The following CHD3 variants were observed in gnomAD, a reference collection of about 807,000 sequenced individuals.
CHD3 encodes ATP-dependent chromatin remodeler CHD3.
In CHD3, 52 loss-of-function variants were observed where a neutral mutation model predicts 248.9. The observed-to-expected ratio is 0.21, with a 90% CI of 0.17 to 0.26. The LOEUF is 0.26. CHD3 is among the 10% of genes least tolerant of loss of function. The probability of loss-of-function intolerance (pLI) is 1.00; values close to 1 mark genes in which losing one functional copy is unlikely to be tolerated. For synonymous variants in CHD3, 985 were observed against 985.2 expected (o/e 1.00, Z 0.00); for missense variants, 1,482 against 2,605.8 (o/e 0.57, Z 9.39).
At chr17:7,901,143 T>G (rs1467570243) in intron 19 of CHD3, 101 bp from the exon 20 acceptor site, 1 of 1,518,460 alleles carries the variant, frequency 6.6e-7, no homozygotes, top group Non-Finnish European at 8.9e-7. Flanking sequence ...ATTGGGAACA[T>G]GTGGAAGCTG....
At position 7,907,435 on chromosome 17, in the gene CHD3, T is replaced by A. The variant is rs1567870624; in HGVS notation, c.4871T>A (p.Val1624Glu). ...CCTCTAGAGGATGAGGTGCCAGGGG[T>A]GCCTGGAGAGATGGAGCCTGAACCT... Reference protein sequence around the residue: ...KIPLEDEVPGVPGEMEPEPGY... With the variant: ...KIPLEDEVPGEPGEMEPEPGY... Residue 1624 changes from valine to glutamate, a missense_variant, in exon 32 of 40, where the codon GTG becomes GAG. Coordinates refer to ENST00000330494, the MANE Select transcript of CHD3 (RefSeq NM_001005273.3). This position sits in a 1 kb window ranked among gnomAD's most constrained non-coding sequence, Gnocchi z 4.3. 6.2e-7 allele frequency: 1 copy of A among 1,610,836 alleles called. No individual in the cohort carries two copies. The highest frequency in any genetic ancestry group is 2.2e-5 in the East Asian group (1 of 44,830).
Position 7,888,923 on chromosome 17 carries a change from G to T in CHD3, c.-78G>T. On this transcript the variant is annotated 5_prime_UTR_variant, in exon 1 of 40. The change creates a premature stop within an existing upstream ORF in the 5' untranslated region. Coordinates refer to ENST00000330494, the MANE Select transcript of CHD3 (RefSeq NM_001005273.3). ...AGTTCCCAAAGGGAGCAGGGAGATG[G>T]GAATAGAATTGAAGGTAGGTTTTAG... is the stretch of plus-strand genomic sequence containing the variant. The T allele has an allele frequency of 6.2e-7, 1 of 1,602,270 alleles. No individual in the cohort carries two copies. The highest frequency in any genetic ancestry group is 8.5e-7 in the Non-Finnish European group (1 of 1,173,386).
rs376314605 is a variant in CHD3, at chr17:7,890,937, C to T, written c.385-3C>T. On this transcript the variant is annotated splice_region_variant and splice_polypyrimidine_tract_variant and intron_variant, in intron 3 of 39. Transcript: ENST00000330494. ...CTACTTCACCAAAGCCCCTCTCCCG[C>T]AGCAAGTGGAACAGAAGTCATCAGC... 4 of 1,614,016 alleles carry T rather than the reference C, an allele frequency of 2.5e-6. No individual in the cohort carries two copies. The highest frequency in any genetic ancestry group is 3.4e-6 in the Non-Finnish European group (4 of 1,179,994).
rs745707523 is a variant in CHD3 at position 7,906,575 on chromosome 17, C to T, written c.4381C>T (p.Arg1461Cys). ...TAGGGCCTATGTGTCTTTGTTCATG[C>T]GCCATCTGTGTGAGCCTGGGGCAGA... ...EFKAYVSLFMRHLCEPGADGS... is the reference protein window; with the variant it reads ...EFKAYVSLFMCHLCEPGADGS... Residue 1461 changes from arginine (R) to cysteine (C), a missense_variant, in exon 29 of 40, where the codon CGC (arginine) becomes TGC (cysteine). By Grantham distance (180) the Arg-to-Cys change is radical (BLOSUM62 -3). This residue lies in a region of CHD3 where 156 missense variants were observed against 420.3 expected (regional missense o/e 0.37). Coordinates refer to ENST00000330494, the MANE Select transcript of CHD3 (RefSeq NM_001005273.3). This position sits in a 1 kb window ranked among gnomAD's most constrained non-coding sequence, Gnocchi z 5.0. 1 of 1,613,964 alleles carries T rather than the reference C, an allele frequency of 6.2e-7. No homozygotes were observed. The highest frequency in any genetic ancestry group is 1.1e-5 in the South Asian group (1 of 91,082).
intron 4 of CHD3, 41 bp from the exon 5 acceptor site, chr17:7,893,245 C>A (rs1020996641): frequency 4.5e-6 from 7 of 1,547,212 alleles, no homozygotes; most frequent in Non-Finnish European, 6.1e-6. Context: ...GTTCCCAGAC[C>A]ATCTGTGAAG....
chr17:7,907,613 C>T lies in CHD3; in HGVS notation c.4937C>T (p.Thr1646Met), dbSNP rs146616544. 15 of 1,513,104 alleles carry T rather than the reference C, an allele frequency of 9.9e-6. No homozygotes were observed. Among genetic ancestry groups the T allele is most frequent in the East Asian group, 4.7e-5 (2 of 42,860 alleles). The allele number at this position is 1,513,104 out of a possible 1,614,324, so 93.7% of individuals were successfully genotyped here. A position where few individuals can be genotyped will look rare whatever the true frequency, so the allele number is the denominator to read the frequency against. ...CCCCCTCCCACAGCCACAGAGTCGACGCCAGGAGAAAGGGGGGAGGAGAAG... is the reference window on the plus strand; with the variant it reads ...CCCCCTCCCACAGCCACAGAGTCGATGCCAGGAGAAAGGGGGGAGGAGAAG... ...GDREKSATES[T>M]PGERGEEKPL... The change falls in exon 33 of 40, where the codon ACG becomes ATG. Residue 1646 changes from threonine to methionine, a missense_variant. Thr to Met is a moderately conservative substitution (Grantham distance 81). Around this residue, in one of 20 missense-constraint regions of CHD3, gnomAD observed 254 missense variants for 266.7 expected, o/e 0.95. Transcript: ENST00000330494. The surrounding 1 kb of genome is among the most constrained non-coding windows in gnomAD (Gnocchi z 4.3).
In CHD3 at chr17:7,897,270, C is replaced by G. The variant is rs781755922; in HGVS notation, c.1895C>G (p.Thr632Ser). 6.2e-7 allele frequency: 1 copy of G among 1,613,696 alleles called. No homozygotes were observed. Among genetic ancestry groups the G allele is most frequent in the African/African-American group, 1.3e-5 (1 of 74,886 alleles). ...YRFGIKPEWM[T>S]VHRIINHSVD... ...TTTGGCATCAAGCCAGAGTGGATGA[C>G]CGTCCACCGCATCATCAACCACAGG... The change falls in exon 11 of 40, where the codon ACC becomes AGC. Residue 632 changes from threonine (T) to serine (S), a missense_variant. By Grantham distance (58) the Thr-to-Ser change is moderately conservative. Around this residue, in one of 20 missense-constraint regions of CHD3, gnomAD observed 127 missense variants for 188.3 expected, o/e 0.67. Transcript: ENST00000330494. The surrounding 1 kb of genome is among the most constrained non-coding windows in gnomAD (Gnocchi z 4.8).
intron 20 of CHD3, among the ~76,000 whole-genome samples, chr17:7,901,730 C>T (rs545172901): frequency 6.6e-6 from 1 of 152,046 alleles, no homozygotes; most frequent in South Asian, 2.1e-4. Context: ...AGGATGGTCT[C>T]CATCACCTGA....
Position 7,904,176 on chromosome 17 carries a change from AAC to A in CHD3, c.3894+189_3894+190del, listed in dbSNP as rs1178591624. 7.6e-5 allele frequency: 49 copies of A among 647,232 alleles called. No individual in the cohort carries two copies. Among genetic ancestry groups the A allele is most frequent in the South Asian group, 4.1e-4 (21 of 50,756 alleles). The allele number at this position is 647,232 out of a possible 1,614,324, so 40.1% of individuals were successfully genotyped here. On this transcript the variant is annotated intron_variant, in intron 24 of 39. Coordinates refer to ENST00000330494, the MANE Select transcript of CHD3 (RefSeq NM_001005273.3). This position sits in a 1 kb window ranked among gnomAD's most constrained non-coding sequence, Gnocchi z 4.4. ...AACGTAGGCACAGACAGTACTGGTA[AAC>A]ACAGAAGGGTACCTTCTGAGACAGT...
In CHD3 at chr17:7,900,574, C is replaced by T; in HGVS notation, c.2821C>T (p.Leu941=). 1 of 1,613,652 alleles carries T rather than the reference C, an allele frequency of 6.2e-7. No individual in the cohort carries two copies. The highest frequency in any genetic ancestry group is 8.5e-7 in the Non-Finnish European group (1 of 1,179,632). ...PERFNNLEGF[L]EEFADISKED... ...GGCTCTTAGCAACTTGGAGGGCTTC[C>T]TGGAGGAGTTTGCTGACATATCCAA... The change falls in exon 18 of 40, where the codon CTG becomes TTG. Residue 941 remains leucine, a synonymous_variant. Transcript: ENST00000330494. This position sits in a 1 kb window ranked among gnomAD's most constrained non-coding sequence, Gnocchi z 6.5.
At chr17:7,886,599 G>GC (rs1456342973), upstream of CHD3, among the ~76,000 whole-genome samples, 1 of 152,064 alleles carries the variant, frequency 6.6e-6, no homozygotes. This position sits in a 1 kb window ranked among gnomAD's most constrained non-coding sequence, Gnocchi z 4.2. Flanking sequence ...AAGTCTCCCC[G>GC]CCCCCCAAGC....
In CHD3 at chr17:7,897,631, T is replaced by C. The variant is rs1408759323; in HGVS notation, c.1919+337T>C. 6.6e-6 allele frequency among the ~76,000 whole-genome samples: 1 copy of C among 152,180 alleles called. No homozygotes were observed. The highest frequency in any genetic ancestry group is 1.5e-5 in the Non-Finnish European group (1 of 68,020). ...TTTGAATGTTTCTTCTTCATAGTAC[T>C]TATTACTGCCTAAACTTAATGGTAT... On this transcript the variant is annotated intron_variant, in intron 11 of 39. Coordinates refer to ENST00000330494, the MANE Select transcript of CHD3 (RefSeq NM_001005273.3). This position sits in a 1 kb window ranked among gnomAD's most constrained non-coding sequence, Gnocchi z 4.8.
In CHD3 at chr17:7,897,093, TC is replaced by T; in HGVS notation, c.1720del (p.His574IlefsTer36). On this transcript the variant is annotated frameshift_variant, in exon 11 of 40. Transcript: ENST00000330494. LOFTEE classifies it high-confidence loss of function. The surrounding 1 kb of genome is among the most constrained non-coding windows in gnomAD (Gnocchi z 4.8). ...TCTGTGCCCTGCTAGCTGGAAATCT[TC>T]CATTTGGTTATGTATCGAAACTACC... Reference protein sequence around the residue: ...SWAKELQLEIFHLVMYRNYQR... With the variant: ...SWAKELQLEIXHLVMYRNYQR... 6.2e-7 allele frequency: 1 copy of T among 1,614,152 alleles called. No homozygotes were observed. The highest frequency in any genetic ancestry group is 8.5e-7 in the Non-Finnish European group (1 of 1,179,974).
chr17:7,885,133 C>G, upstream of CHD3: 1 of 981,524 alleles, frequency 1.0e-6, no homozygotes, highest in Non-Finnish European at 1.2e-6. Flanking sequence ...GAGCCGCGGG[C>G]GCGCGAAGCC....
rs1363835485 is a variant in CHD3 at position 7,905,299 on chromosome 17, A to G, written c.4138+134A>G. ...AAAACTCGATTGCAGATGAGCAGAA[A>G]GGAAGAAATATTCATAGTCTCTCTG... is the stretch of plus-strand genomic sequence containing the variant. On this transcript the variant is annotated intron_variant, in intron 26 of 39. Transcript: ENST00000330494. The surrounding 1 kb of genome is among the most constrained non-coding windows in gnomAD (Gnocchi z 5.8). 1.0e-5 allele frequency: 8 copies of G among 794,708 alleles called. No homozygotes were observed. Among genetic ancestry groups the G allele is most frequent in the Admixed American group, 2.1e-5 (1 of 48,534 alleles). 49.2% of individuals were successfully genotyped at this position (794,708 alleles called of 1,614,324 possible). A position where few individuals can be genotyped will look rare whatever the true frequency, so the allele number is the denominator to read the frequency against.
rs759428491 is a variant in CHD3 at position 7,900,245 on chromosome 17, C to T, written c.2683-45C>T. The T allele has an allele frequency of 2.5e-6, 4 of 1,611,930 alleles. No individual in the cohort carries two copies. The South Asian group carries it at 4.4e-5, about 18-fold the overall frequency. ...CTGATGCTGTGGGTCGGTCACTTGTCACTAATAAGCCCATTTTCCTGCCTT... is the reference window on the plus strand; with the variant it reads ...CTGATGCTGTGGGTCGGTCACTTGTTACTAATAAGCCCATTTTCCTGCCTT... On this transcript the variant is annotated intron_variant, in intron 16 of 39. Coordinates refer to ENST00000330494, the MANE Select transcript of CHD3 (RefSeq NM_001005273.3). This position sits in a 1 kb window ranked among gnomAD's most constrained non-coding sequence, Gnocchi z 6.5.
At position 7,903,164 on chromosome 17, in the gene CHD3, A is replaced by G; in HGVS notation, c.3495+103A>G. On this transcript the variant is annotated intron_variant, in intron 22 of 39. Transcript: ENST00000330494. This position sits in a 1 kb window ranked among gnomAD's most constrained non-coding sequence, Gnocchi z 6.8. The stretch of plus-strand genomic sequence containing the variant: ...GGGTCAGAAATAAATCTCTTCTGGG[A>G]GGAGAGAAGGCCCTTCTTCAGCAGC... The G allele has an allele frequency of 6.4e-7, 1 of 1,569,964 alleles. No individual in the cohort carries two copies. The highest frequency in any genetic ancestry group is 8.7e-7 in the Non-Finnish European group (1 of 1,149,788).
At position 7,900,800 on chromosome 17, in the gene CHD3, A is replaced by G. The variant is rs1438590069; in HGVS notation, c.2979-52A>G. The G allele has an allele frequency of 8.7e-6, 14 of 1,610,848 alleles. No individual in the cohort carries two copies. Among genetic ancestry groups the G allele is most frequent in the Non-Finnish European group, 1.1e-5 (13 of 1,177,620 alleles). ...ATGGGAGCGTTCCAAGTGCAATATC[A>G]TAATTGCTTCCTTTATTTATGTTTC... On this transcript the variant is annotated intron_variant, in intron 18 of 39. Coordinates refer to ENST00000330494, the MANE Select transcript of CHD3 (RefSeq NM_001005273.3). The surrounding 1 kb of genome is among the most constrained non-coding windows in gnomAD (Gnocchi z 6.5).
chr17:7,889,906 GC>G lies in CHD3; in HGVS notation c.213+136del. 3.6e-6 allele frequency: 3 copies of G among 828,798 alleles called. No homozygotes were observed. Among genetic ancestry groups the G allele is most frequent in the Non-Finnish European group, 3.8e-6 (2 of 526,944 alleles). The allele number at this position is 828,798 out of a possible 1,614,324, so 51.3% of individuals were successfully genotyped here. On this transcript the variant is annotated intron_variant, in intron 2 of 39. Coordinates refer to ENST00000330494, the MANE Select transcript of CHD3 (RefSeq NM_001005273.3). This position sits in a 1 kb window ranked among gnomAD's most constrained non-coding sequence, Gnocchi z 4.5. ...AAGCCAGGGAGGCTTGATCCCCCGG[GC>G]CCCCCACTTCCCTGCCACTGTTGGC...
Sources: gnomAD v4.1 joint callset for allele counts (sites outside exome capture counted in the v4.1 genomes callset) on GRCh38, gnomAD v4.1.1 for gene constraint, gnomAD v4.1.1 regional missense constraint, Gnocchi (gnomAD v3.1) non-coding constraint, MANE v1.5 for transcripts, NCBI Gene and HGNC (gene_info 2026-07-23, HGNC 2026-07-21) for gene names.